The following ADCYAP1R1 variants were observed in gnomAD, a reference collection of about 807,000 sequenced individuals.
ADCYAP1R1 encodes the protein pituitary adenylate cyclase-activating polypeptide type I receptor.
A neutral mutation model predicts 67.6 loss-of-function variants in ADCYAP1R1; 44 were observed. The ratio of observed to expected loss-of-function variants is 0.65; its 90% CI spans 0.51 to 0.84. ADCYAP1R1 has a LOEUF of 0.84. Among genes scored for constraint, ADCYAP1R1 ranks in the 40% least tolerant of loss-of-function variants. ADCYAP1R1 has a pLI of 0.00. For synonymous variants in ADCYAP1R1, 222 were observed against 219.6 expected, an observed-to-expected ratio of 1.01 and a Z score of -0.10; for missense variants, 477 against 587.9, an observed-to-expected ratio of 0.81 and a Z score of 1.95.
Position 31,106,436 on chromosome 7 carries a change from G to C in ADCYAP1R1, c.1219-60G>C, listed in dbSNP as rs929387602. 4.5e-6 allele frequency: 7 copies of C among 1,540,680 alleles called. No individual in the cohort carries two copies. The African/African-American group carries it at 8.2e-5, about 18-fold the overall frequency. ...CTGGGAAGGGCCCCAGGCCAGGACA[G>C]GGCCTGGAGGCTGCAGAGGATGTCC... On this transcript the variant is annotated intron_variant, in intron 15 of 15. Coordinates refer to ENST00000304166, the MANE Select transcript of ADCYAP1R1 (RefSeq NM_001118.5).
At chr7:31,078,574 T>A (rs1426903699) in intron 4 of ADCYAP1R1, among the ~76,000 whole-genome samples, 2 of 152,264 alleles carry the variant, frequency 1.3e-5, no homozygotes, top group South Asian at 4.1e-4. Context: ...GAGACGCACA[T>A]GTAGACACCC....
At chr7:31,090,471 G>A (rs894280208) in intron 12 of ADCYAP1R1, among the ~76,000 whole-genome samples, 2 of 152,062 alleles carry the variant, frequency 1.3e-5, no homozygotes, top group Non-Finnish European at 2.9e-5. Flanking sequence ...TGTTACATAG[G>A]TATATCACAT....
chr7:31,078,862 G>A (rs113015906), intron 4 of ADCYAP1R1, among the ~76,000 whole-genome samples: 16,622 of 152,232 alleles, frequency 0.11, 1,463 homozygotes, highest in African/African-American at 0.24. Context: ...TTGGAGGCGC[G>A]GGTGTGCGAT....
intron 3 of ADCYAP1R1, among the ~76,000 whole-genome samples, chr7:31,072,605 G>A (rs1407920160): frequency 1.3e-5 from 2 of 151,994 alleles, no homozygotes; most frequent in Admixed American, 6.6e-5. Flanking sequence ...CCCCATGTCT[G>A]CATGTCTGCT....
At chr7:31,066,076 G>A (rs1794725429) in intron 3 of ADCYAP1R1, among the ~76,000 whole-genome samples, 1 of 58 alleles carries the variant, frequency 0.017, no homozygotes, top group South Asian at 0.25. Context: ...GGAAACTGAG[G>A]CAGGGGGCCA....
At chr7:31,072,187 T>C (rs1288829835) in intron 3 of ADCYAP1R1, among the ~76,000 whole-genome samples, 3 of 152,192 alleles carry the variant, frequency 2.0e-5, no homozygotes, top group Non-Finnish European at 4.4e-5. Flanking sequence ...GCATGTATCA[T>C]AGGCCAGTGT....
chr7:31,084,095 C>T (rs1331612992), intron 6 of ADCYAP1R1, 46 bp from the exon 7 acceptor site: 3 of 1,528,104 alleles, frequency 2.0e-6, no homozygotes, highest in East Asian at 4.5e-5. Flanking sequence ...ATTTCAGGGC[C>T]CTCTTAATCA....
At chr7:31,080,453 A>G (rs1360113285) in intron 4 of ADCYAP1R1, among the ~76,000 whole-genome samples, 160 bp from the exon 5 acceptor site, 1 of 152,130 alleles carries the variant, frequency 6.6e-6, no homozygotes, top group African/African-American at 2.4e-5. Flanking sequence ...CCCAGCTTAT[A>G]GTCCTGATGC....
Position 31,105,715 on chromosome 7 carries a change from C to A in ADCYAP1R1, c.1219-781C>A, listed in dbSNP as rs553891246. 3.3e-5 allele frequency among the ~76,000 whole-genome samples: 5 copies of A among 152,274 alleles called. No individual in the cohort carries two copies. In the South Asian group the frequency reaches 1.0e-3, roughly 32 times the overall value. ...AACCTACAGAAGGATCAGATTAGGA[C>A]AGACAAGAGAGGCAGAAAGGGCCCT... On this transcript the variant is annotated intron_variant, in intron 15 of 15. Transcript: ENST00000304166.
rs370815180 is a variant in ADCYAP1R1 at position 31,086,576 on chromosome 7, G to C, written c.823+39G>C. On this transcript the variant is annotated intron_variant, in intron 10 of 15. Transcript: ENST00000304166. The surrounding 1 kb of genome is among the most constrained non-coding windows in gnomAD (Gnocchi z 5.0). ...TGTGGCTTGGACAGGTTCAGGTCCC[G>C]TGGTCAGGTGTGTCCAGGTGTGTCT... 5 of 1,610,966 alleles carry C rather than the reference G, an allele frequency of 3.1e-6. No homozygotes were observed. Among genetic ancestry groups the C allele is most frequent in the Non-Finnish European group, 3.4e-6 (4 of 1,178,204 alleles).
At chr7:31,089,824 T>G (rs1216997122) in intron 12 of ADCYAP1R1, among the ~76,000 whole-genome samples, 1 of 152,176 alleles carries the variant, frequency 6.6e-6, no homozygotes, top group East Asian at 1.9e-4. Context: ...TTTTTGGGGG[T>G]GCATTTCTGG....
intron 13 of ADCYAP1R1, among the ~76,000 whole-genome samples, chr7:31,100,859 T>C (rs962594286): frequency 2.6e-5 from 4 of 152,212 alleles, no homozygotes; most frequent in Non-Finnish European, 4.4e-5. Flanking sequence ...ACATCCCTTT[T>C]ACTTAAGGTG....
chr7:31,063,164 A>C, intron 1 of ADCYAP1R1, 30 bp from the exon 2 acceptor site: 1 of 1,465,300 alleles, frequency 6.8e-7, no homozygotes, highest in South Asian at 1.2e-5. Context: ...CACTGGGCTC[A>C]CAGGATTCAC....
intron 2 of ADCYAP1R1, among the ~76,000 whole-genome samples, chr7:31,064,312 C>A (rs189117298): frequency 1.4e-4 from 22 of 152,308 alleles, no homozygotes; most frequent in Admixed American, 9.1e-4. Flanking sequence ...CACTTGTTTT[C>A]TCCTCTAAAC....
rs1024852979 is a variant in ADCYAP1R1 at position 31,090,284 on chromosome 7, A to G, written c.955-2360A>G. Among the ~76,000 whole-genome samples the G allele has an allele frequency of 3.3e-5, 5 of 152,236 alleles. No individual in the cohort carries two copies. The South Asian group carries it at 6.2e-4, about 19-fold the overall frequency. On this transcript the variant is annotated intron_variant, in intron 12 of 15. Coordinates refer to ENST00000304166, the MANE Select transcript of ADCYAP1R1 (RefSeq NM_001118.5). ...TCTCTCATCATTTAAAATATTGTGT[A>G]TGTCTATTGTCTTGCCATCTTTCTC...
intron 13 of ADCYAP1R1, among the ~76,000 whole-genome samples, chr7:31,098,694 G>T (rs555446950): frequency 2.2e-5 from 2 of 90,062 alleles, no homozygotes; most frequent in East Asian, 1.2e-3. Flanking sequence ...ATGCACAGAT[G>T]CAGCGGGGCG....
intron 3 of ADCYAP1R1, 72 bp downstream of exon 3, chr7:31,065,008 T>TTTAGAA: frequency 8.2e-7 from 1 of 1,212,252 alleles, no homozygotes; most frequent in Non-Finnish European, 1.2e-6. Context: ...GTGCTCAGGC[T>TTTAGAA]CGGCCAGTGA....
At chr7:31,080,733 G>T in intron 5 of ADCYAP1R1, 100 bp downstream of exon 5, 16 of 1,288,454 alleles carry the variant, frequency 1.2e-5, no homozygotes, top group Non-Finnish European at 1.6e-5. Context: ...GGATTGGGGT[G>T]GGGGTGGAGT....
At chr7:31,076,497 C>T (rs1279920586) in intron 3 of ADCYAP1R1, among the ~76,000 whole-genome samples, 1 of 152,174 alleles carries the variant, frequency 6.6e-6, no homozygotes, top group East Asian at 1.9e-4. Context: ...TTTCCTCTTC[C>T]TTGCAGCTCA....
Sources: allele counts gnomAD v4.1 joint callset (sites outside exome capture counted in the v4.1 genomes callset), GRCh38; gene constraint gnomAD v4.1.1; non-coding constraint Gnocchi (gnomAD v3.1); transcripts MANE v1.5; gene names NCBI Gene and HGNC (gene_info 2026-07-23, HGNC 2026-07-21).